The following DCBLD1 variants were observed in gnomAD, a reference collection of about 807,000 sequenced individuals.
The protein encoded by DCBLD1 is discoidin, CUB and LCCL domain-containing protein 1.
A neutral mutation model predicts 71.5 loss-of-function variants in DCBLD1; 57 were observed. That is an observed-to-expected ratio of 0.80 (90% CI 0.64 to 0.99). DCBLD1 has a LOEUF of 0.99. Among genes scored for constraint, DCBLD1 ranks in the 50% least tolerant of loss-of-function variants. The pLI, the probability that DCBLD1 is intolerant of heterozygous loss-of-function variation, is 0.00. For synonymous variants in DCBLD1, 380 were observed against 363.8 expected (o/e 1.04, Z -0.51); for missense variants, 891 against 923.5 (o/e 0.96, Z 0.46).
intron 1 of DCBLD1, among the ~76,000 whole-genome samples, chr6:117,488,137 G>C (rs1306341623): frequency 2.0e-5 from 3 of 152,196 alleles, no homozygotes; most frequent in African/African-American, 7.2e-5. Flanking sequence ...CATGAAAGCA[G>C]AGATGAATCT....
chr6:117,488,343 G>A (rs1319648330), intron 1 of DCBLD1, among the ~76,000 whole-genome samples: 1 of 152,166 alleles, frequency 6.6e-6, no homozygotes, highest in Non-Finnish European at 1.5e-5. Context: ...CACTGTGCAG[G>A]TATTTAAGAA....
chr6:117,519,681 T>G (rs1778319198), intron 2 of DCBLD1, 135 bp from the exon 3 acceptor site: 2 of 1,192,584 alleles, frequency 1.7e-6, no homozygotes, highest in African/African-American at 3.0e-5. Context: ...CAAGCTAAAT[T>G]TCAGTTGGTA....
At chr6:117,526,826 A>G (rs1238818767) in intron 5 of DCBLD1, among the ~76,000 whole-genome samples, 1 of 152,200 alleles carries the variant, frequency 6.6e-6, no homozygotes, top group Non-Finnish European at 1.5e-5. Context: ...ATAAACTTAG[A>G]GGCTTAAAGT....
At chr6:117,490,845 A>C (rs1051923328) in intron 1 of DCBLD1, among the ~76,000 whole-genome samples, 40 of 152,212 alleles carry the variant, frequency 2.6e-4, no homozygotes, top group African/African-American at 8.9e-4. Context: ...GCAAACTAAT[A>C]ATATGTATAG....
intron 1 of DCBLD1, among the ~76,000 whole-genome samples, chr6:117,500,906 G>A (rs1213396464): frequency 6.6e-6 from 1 of 151,796 alleles, no homozygotes; most frequent in East Asian, 1.9e-4. Context: ...GCTGACACAT[G>A]TCACTTTAAA....
chr6:117,565,064 T>C (rs210637), intron 14 of DCBLD1, among the ~76,000 whole-genome samples: 69,866 of 151,918 alleles, frequency 0.46, 16,854 homozygotes, highest in South Asian at 0.63. Context: ...GTAGGTAAAA[T>C]TGAAAAATCT....
chr6:117,516,310 G>A (rs1338378736), intron 2 of DCBLD1, among the ~76,000 whole-genome samples: 2 of 150,542 alleles, frequency 1.3e-5, no homozygotes, highest in South Asian at 2.1e-4. Context: ...GTAGTGAGCC[G>A]AGATCATGCC....
At position 117,544,681 on chromosome 6, in the gene DCBLD1, A is replaced by G. The variant is rs535688358; in HGVS notation, c.1495+104A>G. 5.5e-4 allele frequency: 694 copies of G among 1,266,840 alleles called. 1 individual carries two copies. The highest frequency in any genetic ancestry group is 7.0e-4 in the Non-Finnish European group (621 of 891,466). 78.5% of individuals were successfully genotyped at this position (1,266,840 alleles called of 1,614,324 possible). A position where few individuals can be genotyped will look rare whatever the true frequency, so the allele number is the denominator to read the frequency against. ...CCAGTGGCCCACATTTATTTGGTTAAAAGACATAAGCCCTGTAGCCTTTAA... is the reference window on the plus strand; with the variant it reads ...CCAGTGGCCCACATTTATTTGGTTAGAAGACATAAGCCCTGTAGCCTTTAA... On this transcript the variant is annotated intron_variant, in intron 13 of 14. Transcript: ENST00000338728.
chr6:117,525,569 TAAATG>T (rs1778522689), intron 5 of DCBLD1, 135 bp downstream of exon 5: 1 of 573,188 alleles, frequency 1.7e-6, no homozygotes, highest in Non-Finnish European at 2.7e-6. Context: ...CCTCTGAGAA[TAAATG>T]AAATAAGTAT....
chr6:117,489,377 C>A (rs1180987580), intron 1 of DCBLD1, among the ~76,000 whole-genome samples: 1 of 152,140 alleles, frequency 6.6e-6, no homozygotes, highest in Non-Finnish European at 1.5e-5. Flanking sequence ...TCTCACCAGG[C>A]CCCACCTCCA....
intron 14 of DCBLD1, chr6:117,561,371 GA>G: frequency 1.3e-5 from 3 of 224,714 alleles, no homozygotes; most frequent in South Asian, 1.8e-4. Context: ...GATGTTCTCT[GA>G]AAAAAATGCC....
intron 2 of DCBLD1, among the ~76,000 whole-genome samples, chr6:117,509,199 A>G (rs944579946): frequency 6.6e-6 from 1 of 152,204 alleles, no homozygotes; most frequent in Non-Finnish European, 1.5e-5. Context: ...TGCGAGGCTG[A>G]GGTGGATGAA....
In DCBLD1 at chr6:117,545,497, A is replaced by G; in HGVS notation, c.1515A>G (p.Lys505=). Residue 505 remains lysine (K), a synonymous_variant, in exon 14 of 15, where the codon AAA becomes AAG. Transcript: ENST00000338728. ...AQKTDCWKQI[K]YPFARHQSAE... is the part of the protein sequence containing the mutation. ...TTCCAGACTGTTGGAAGCAGATTAA[A>G]TATCCCTTTGCCAGACATCAGTCAG... is the stretch of plus-strand genomic sequence containing the variant. The G allele has an allele frequency of 1.2e-6, 2 of 1,614,108 alleles. No individual in the cohort carries two copies. Among genetic ancestry groups the G allele is most frequent in the Non-Finnish European group, 1.7e-6 (2 of 1,179,988 alleles).
intron 2 of DCBLD1, among the ~76,000 whole-genome samples, chr6:117,518,376 T>A (rs1297370554): frequency 6.6e-6 from 1 of 152,180 alleles, no homozygotes; most frequent in Non-Finnish European, 1.5e-5. Flanking sequence ...TCTAGGAAGT[T>A]CCAAACTTTC....
At chr6:117,493,348 C>T (rs901972543) in intron 1 of DCBLD1, among the ~76,000 whole-genome samples, 4 of 152,120 alleles carry the variant, frequency 2.6e-5, no homozygotes, top group African/African-American at 9.7e-5. Flanking sequence ...ACACTGACAC[C>T]TTCTTTTACA....
intron 1 of DCBLD1, among the ~76,000 whole-genome samples, chr6:117,493,640 C>T (rs528261635): frequency 2.0e-5 from 3 of 152,222 alleles, no homozygotes; most frequent in Admixed American, 6.5e-5. Flanking sequence ...TCTTAAATAT[C>T]GCTACCTCAG....
At chr6:117,547,859 C>G in intron 14 of DCBLD1, 48 bp from the exon 15 acceptor site, 1 of 1,549,932 alleles carries the variant, frequency 6.5e-7, no homozygotes, top group Non-Finnish European at 8.7e-7. Flanking sequence ...ACTGACAGGC[C>G]GGCCCGTGTG....
intron 2 of DCBLD1, among the ~76,000 whole-genome samples, chr6:117,512,106 T>C (rs1376292964): frequency 1.3e-5 from 2 of 152,204 alleles, no homozygotes; most frequent in Non-Finnish European, 2.9e-5. Flanking sequence ...CCTCCTCCTC[T>C]TTCCCCATAA....
intron 14 of DCBLD1, among the ~76,000 whole-genome samples, chr6:117,565,024 G>A (rs987648111): frequency 1.6e-4 from 24 of 151,912 alleles, no homozygotes; most frequent in African/African-American, 5.8e-4. Context: ...CTGTTTATGT[G>A]GATTATAGCT....
Sources: gnomAD v4.1 joint callset for allele counts (sites outside exome capture counted in the v4.1 genomes callset) on GRCh38, gnomAD v4.1.1 for gene constraint, MANE v1.5 for transcripts, NCBI Gene and HGNC (gene_info 2026-07-23, HGNC 2026-07-21) for gene names.